Variants in ADA2 observed in about 807,000 individuals in gnomAD.
ADA2 encodes the protein adenosine deaminase CECR1.
In ADA2, 29 loss-of-function variants were observed where a neutral mutation model predicts 44.2. That is an observed-to-expected ratio of 0.66 (90% CI 0.49 to 0.89). ADA2 has a LOEUF of 0.89. Among genes scored for constraint, ADA2 ranks in the 40% least tolerant of loss-of-function variants. The pLI is 0.00. For missense variants in ADA2, 637 were observed against 644.8 expected, an observed-to-expected ratio of 0.99 and a Z score of 0.13; for synonymous variants, 215 against 234.9, an observed-to-expected ratio of 0.92 and a Z score of 0.77.
At chr22:17,188,075 A>T (rs1226794920) in intron 7 of ADA2, among the ~76,000 whole-genome samples, 1 of 102,528 alleles carries the variant, frequency 9.8e-6, no homozygotes, top group African/African-American at 3.3e-5. Context: ...GAGACTCCGT[A>T]AAAAAAAGAA....
intron 6 of ADA2, 169 bp downstream of exon 6, chr22:17,189,773 C>T (rs547450798): frequency 3.7e-5 from 22 of 589,680 alleles, no homozygotes; most frequent in African/African-American, 2.0e-4. Flanking sequence ...AGAGGGTCAG[C>T]GCTGAGCTCT....
intron 7 of ADA2, among the ~76,000 whole-genome samples, chr22:17,184,996 A>ATATATATATATATATATATATATATATC (rs2062019715): frequency 7.6e-6 from 1 of 131,928 alleles, no homozygotes; most frequent in African/African-American, 2.9e-5. Flanking sequence ...ATATATATAT[A>ATATATATATATATATATATATATATATC]TATATATATA....
rs143648454 is a variant in ADA2 at position 17,203,581 on chromosome 22, G to A, written c.735C>T (p.Ile245=). 3.7e-6 allele frequency: 6 copies of A among 1,612,496 alleles called. No individual in the cohort carries two copies. The South Asian group carries it at 6.6e-5, about 18-fold the overall frequency. Residue 245 remains isoleucine, a synonymous_variant, in exon 4 of 10, where the codon ATC becomes ATT. Transcript: ENST00000399837. The part of the protein sequence containing the change: ...FYEDNVLYME[I]RARLLPVYEL... ...GGCTCACCGGCAGCAGCCTGGCTCT[G>A]ATCTCCATGTAGAGCACGTTGTCCT...
rs1173656253 is a variant in ADA2, at chr22:17,179,212, A to G, written c.*2271T>C. 1 of 152,158 alleles carries G rather than the reference A, an allele frequency of 6.6e-6. No individual in the cohort carries two copies. Among genetic ancestry groups the G allele is most frequent in the Non-Finnish European group, 1.5e-5 (1 of 68,054 alleles). 9.4% of individuals were successfully genotyped at this position (152,158 alleles called of 1,614,324 possible). On this transcript the variant is annotated 3_prime_UTR_variant, in exon 10 of 10. Transcript: ENST00000399837. ...CTTCCAAGGCCAGGTGAGGAGCTGG[A>G]CTCTGATCACATGAGGTCTTTTATT...
At chr22:17,199,446 T>TCCCACCCCACCTCTATCCACTTCCCCA in intron 4 of ADA2, 2 of 917,614 alleles carry the variant, frequency 2.2e-6, no homozygotes, top group East Asian at 2.8e-5. Flanking sequence ...CCTCTTCCCC[T>TCCCACCCCACCTCTATCCACTTCCCCA]CCACCCACGA....
At chr22:17,200,980 C>T (rs1460287463) in intron 4 of ADA2, among the ~76,000 whole-genome samples, 2 of 151,162 alleles carry the variant, frequency 1.3e-5, no homozygotes, top group African/African-American at 2.4e-5. Context: ...ACTTGAATAA[C>T]GAGTGGATCA....
At chr22:17,183,720 C>T (rs558963660) in intron 7 of ADA2, among the ~76,000 whole-genome samples, 5 of 151,940 alleles carry the variant, frequency 3.3e-5, no homozygotes, top group African/African-American at 1.2e-4. Flanking sequence ...CCTAGGCCTC[C>T]CAAAGTGCTG....
chr22:17,191,265 C>T (rs2062110956), intron 5 of ADA2, among the ~76,000 whole-genome samples: 1 of 152,364 alleles, frequency 6.6e-6, no homozygotes, highest in South Asian at 2.1e-4. Flanking sequence ...GCCAGTGCCA[C>T]TCAGGGTGTC....
intron 4 of ADA2, among the ~76,000 whole-genome samples, chr22:17,197,779 C>T (rs2062211207): frequency 6.6e-6 from 1 of 152,182 alleles, no homozygotes; most frequent in Non-Finnish European, 1.5e-5. Flanking sequence ...TGGCTCACGC[C>T]TATAATCCTA....
intron 4 of ADA2, chr22:17,199,433 T>TATCCTCTTCCCCTCCCACCCCTCCTCA: frequency 6.1e-6 from 6 of 978,038 alleles, no homozygotes; most frequent in Non-Finnish European, 8.2e-6. Flanking sequence ...TCCCCTCCTC[T>TATCCTCTTCCCCTCCCACCCCTCCTCA]ATCCTCTTCC....
chr22:17,188,492 C>T (rs772102280), intron 6 of ADA2, 45 bp from the exon 7 acceptor site: 1 of 1,381,432 alleles, frequency 7.2e-7, no homozygotes, highest in Non-Finnish European at 1.0e-6. Flanking sequence ...GGGCGCATGC[C>T]TCACTTGCTG....
At chr22:17,198,229 C>G (rs938641692) in intron 4 of ADA2, among the ~76,000 whole-genome samples, 2 of 152,120 alleles carry the variant, frequency 1.3e-5, no homozygotes, top group Admixed American at 6.6e-5. Context: ...ATTGGCATCA[C>G]TCAAGGAGAG....
intron 4 of ADA2, 55 bp downstream of exon 4, chr22:17,203,508 T>G: frequency 7.1e-7 from 1 of 1,416,432 alleles, no homozygotes; most frequent in Non-Finnish European, 1.0e-6. Flanking sequence ...AGCTAAGATC[T>G]GAGTCAGGCC....
intron 4 of ADA2, among the ~76,000 whole-genome samples, chr22:17,195,830 G>A (rs537745620): frequency 6.7e-6 from 1 of 149,320 alleles, no homozygotes; most frequent in Non-Finnish European, 1.5e-5. Flanking sequence ...GTGCGATCTC[G>A]GCTCACTTTA....
At chr22:17,192,672 T>C (rs558136111) in intron 4 of ADA2, among the ~76,000 whole-genome samples, 6 of 152,012 alleles carry the variant, frequency 3.9e-5, no homozygotes, top group Non-Finnish European at 7.4e-5. Context: ...CTACCAAAAA[T>C]ACAAGATTAG....
chr22:17,218,620 A>T (rs2062495242), intron 1 of ADA2, among the ~76,000 whole-genome samples: 1 of 151,580 alleles, frequency 6.6e-6, no homozygotes, highest in African/African-American at 2.4e-5. Flanking sequence ...CAAATCTTCA[A>T]CTCCATCCTC....
In ADA2 at chr22:17,191,710, C is replaced by G; in HGVS notation, c.854G>C (p.Gly285Ala). The G allele has an allele frequency of 6.2e-7, 1 of 1,613,968 alleles. No individual in the cohort carries two copies. The highest frequency in any genetic ancestry group is 8.5e-7 in the Non-Finnish European group (1 of 1,179,960). ...GTGATCCGAATAAATGATTTTGATT[C>G]CAATAAACTCAGGGTGAGTTTCCAC... ...KFVETHPEFIGIKIIYSDHRS... is the reference protein window; with the variant it reads ...KFVETHPEFIAIKIIYSDHRS... The change falls in exon 5 of 10, where the codon GGA becomes GCA. Residue 285 changes from glycine to alanine, a missense_variant. Gly to Ala is a moderately conservative substitution (Grantham distance 60). Transcript: ENST00000399837.
intron 5 of ADA2, among the ~76,000 whole-genome samples, 179 bp from the exon 6 acceptor site, chr22:17,190,211 A>G (rs1490451904): frequency 6.6e-6 from 1 of 152,178 alleles, no homozygotes; most frequent in Non-Finnish European, 1.5e-5. Flanking sequence ...TCCCTGAGAG[A>G]TATGTAGCCC....
At chr22:17,197,238 C>G (rs2058093) in intron 4 of ADA2, among the ~76,000 whole-genome samples, 90,728 of 151,478 alleles carry the variant, frequency 0.6, 28,182 homozygotes, top group East Asian at 0.91. Context: ...CAAGGACTCG[C>G]AATTTCTTTT....
Sources: gnomAD v4.1 joint callset for allele counts (sites outside exome capture counted in the v4.1 genomes callset) on GRCh38, gnomAD v4.1.1 for gene constraint, MANE v1.5 for transcripts, NCBI Gene and HGNC (gene_info 2026-07-23, HGNC 2026-07-21) for gene names.